Variants in UBE2O observed in about 807,000 individuals in gnomAD.
The protein encoded by UBE2O is (E3-independent) E2 ubiquitin-conjugating enzyme.
In UBE2O, 15 loss-of-function variants were observed where a neutral mutation model predicts 125.8. That is an observed-to-expected ratio of 0.12 (90% CI 0.08 to 0.18). UBE2O has a LOEUF of 0.18. Among genes scored for constraint, UBE2O ranks in the 10% least tolerant of loss-of-function variants. The pLI is 1.00. For synonymous variants in UBE2O, 708 were observed against 703.2 expected (o/e 1.01, Z -0.11); for missense variants, 1,280 against 1,723.6 (o/e 0.74, Z 4.56).
intron 1 of UBE2O, among the ~76,000 whole-genome samples, chr17:76,411,824 T>G (rs2072521920): frequency 6.6e-6 from 1 of 152,170 alleles, no homozygotes; most frequent in African/African-American, 2.4e-5. Context: ...TAGCTGGGAC[T>G]ACAGGCACAT....
chr17:76,428,393 G>A (rs1191478592), intron 1 of UBE2O, among the ~76,000 whole-genome samples: 3 of 152,114 alleles, frequency 2.0e-5, no homozygotes, highest in Non-Finnish European at 4.4e-5. Context: ...GATGTCAGAC[G>A]TTTTTAATCT....
chr17:76,400,596 G>T lies in UBE2O; in HGVS notation c.895-46C>A. 7.2e-7 allele frequency: 1 copy of T among 1,397,764 alleles called. No homozygotes were observed. Among genetic ancestry groups the T allele is most frequent in the Non-Finnish European group, 9.9e-7 (1 of 1,008,302 alleles). 86.6% of individuals were successfully genotyped at this position (1,397,764 alleles called of 1,614,324 possible). ...ACGCCAGTCAGGGCAGGCTCTGACA[G>T]CACTCTCTTTAGCCAGCTGCCCAAA... On this transcript the variant is annotated intron_variant, in intron 6 of 17. Coordinates refer to ENST00000319380, the MANE Select transcript of UBE2O (RefSeq NM_022066.4). This position sits in a 1 kb window ranked among gnomAD's most constrained non-coding sequence, Gnocchi z 4.3.
intron 1 of UBE2O, among the ~76,000 whole-genome samples, chr17:76,444,534 T>C (rs541472507): frequency 8.7e-4 from 132 of 152,268 alleles, no homozygotes; most frequent in African/African-American, 3.1e-3. Context: ...ATAAGGCTGA[T>C]GGATCAAAAT....
At chr17:76,406,586 CTAG>C (rs2072422201) in intron 1 of UBE2O, among the ~76,000 whole-genome samples, 1 of 148,086 alleles carries the variant, frequency 6.8e-6, no homozygotes, top group Admixed American at 6.8e-5. Flanking sequence ...ACAAACTCTG[CTAG>C]TAGAAGAACG....
intron 1 of UBE2O, among the ~76,000 whole-genome samples, chr17:76,415,795 C>CTCTGTGTGTGTGTGTGTGTGTG (rs1555607402): frequency 7.0e-5 from 10 of 143,282 alleles, no homozygotes; most frequent in South Asian, 6.9e-4. Flanking sequence ...CAGAGCAAGA[C>CTCTGTGTGTGTGTGTGTGTGTG]TGTGTGTGTG....
chr17:76,442,322 C>T (rs963913722), intron 1 of UBE2O, among the ~76,000 whole-genome samples: 1 of 152,176 alleles, frequency 6.6e-6, no homozygotes, highest in African/African-American at 2.4e-5. Flanking sequence ...CTCAAAAGAA[C>T]CCAACTTGGG....
At chr17:76,403,590 T>G (rs1427434293) in intron 3 of UBE2O, among the ~76,000 whole-genome samples, 1 of 152,166 alleles carries the variant, frequency 6.6e-6, no homozygotes, top group Non-Finnish European at 1.5e-5. Context: ...TGAACTCATA[T>G]ATTTTAATAT....
chr17:76,435,750 G>A (rs1253040452), intron 1 of UBE2O, among the ~76,000 whole-genome samples: 2 of 152,086 alleles, frequency 1.3e-5, no homozygotes, highest in Non-Finnish European at 2.9e-5. Context: ...CTCACCTAAC[G>A]CCTCTCAGTC....
At chr17:76,440,459 T>C (rs1029743488) in intron 1 of UBE2O, among the ~76,000 whole-genome samples, 3 of 152,136 alleles carry the variant, frequency 2.0e-5, no homozygotes, top group South Asian at 2.1e-4. Context: ...TACTGAGTAG[T>C]TGGGACTACA....
Position 76,452,600 on chromosome 17 carries a change from G to A in UBE2O, c.417+125C>T, listed in dbSNP as rs942814786. The A allele has an allele frequency of 2.1e-5, 19 of 899,000 alleles. No individual in the cohort carries two copies. Among genetic ancestry groups the A allele is most frequent in the Non-Finnish European group, 2.8e-5 (19 of 669,418 alleles). The allele number at this position is 899,000 out of a possible 1,614,324, so 55.7% of individuals were successfully genotyped here. ...ATGGAGTGTACCCTCCACTGGGGCT[G>A]TCCTCCCGCGTCGGCCACTGCAGTG... is the stretch of plus-strand genomic sequence containing the variant. On this transcript the variant is annotated intron_variant, in intron 1 of 17. Transcript: ENST00000319380. This position sits in a 1 kb window ranked among gnomAD's most constrained non-coding sequence, Gnocchi z 4.4.
intron 1 of UBE2O, among the ~76,000 whole-genome samples, chr17:76,451,202 T>TA (rs1188304179): frequency 6.6e-6 from 1 of 152,156 alleles, no homozygotes; most frequent in African/African-American, 2.4e-5. Context: ...AAAACATTCT[T>TA]AAAAACTCAC....
intron 1 of UBE2O, among the ~76,000 whole-genome samples, chr17:76,440,377 G>A (rs554539899): frequency 8.5e-5 from 13 of 152,214 alleles, no homozygotes; most frequent in Non-Finnish European, 1.3e-4. Flanking sequence ...AGGCTTAAGG[G>A]CAATGGGTCG....
intron 13 of UBE2O, 81 bp downstream of exon 13, chr17:76,397,718 T>C (rs1473738436): frequency 4.4e-6 from 6 of 1,359,820 alleles, no homozygotes; most frequent in African/African-American, 2.9e-5. Flanking sequence ...TGAGAGCCCA[T>C]CTTCTGGCTA....
intron 1 of UBE2O, among the ~76,000 whole-genome samples, chr17:76,408,446 T>A (rs142052486): frequency 0.017 from 2,594 of 152,302 alleles, 22 homozygotes; most frequent in Middle Eastern, 0.027. Context: ...TCACAAGTAG[T>A]GGAGCTGGGA....
rs141227791 is a variant in UBE2O at position 76,444,716 on chromosome 17, C to T, written c.417+8009G>A. On this transcript the variant is annotated intron_variant, in intron 1 of 17. Coordinates refer to ENST00000319380, the MANE Select transcript of UBE2O (RefSeq NM_022066.4). ...AGGCAGACATCCATTTCCCCCAGTACAGTGCTGGGATGACCCAAAAGCACA... is the reference window on the plus strand; with the variant it reads ...AGGCAGACATCCATTTCCCCCAGTATAGTGCTGGGATGACCCAAAAGCACA... Among the ~76,000 whole-genome samples, 556 of 152,324 alleles carry T rather than the reference C, an allele frequency of 3.7e-3. 1 individual carries two copies. The highest frequency in any genetic ancestry group is 0.013 in the African/African-American group (521 of 41,570).
chr17:76,430,959 A>G, intron 1 of UBE2O: 1 of 324,280 alleles, frequency 3.1e-6, no homozygotes. Context: ...TCCTTGTGGT[A>G]GTGCTTCACT....
intron 1 of UBE2O, among the ~76,000 whole-genome samples, chr17:76,445,296 T>C (rs1454440146): frequency 6.6e-6 from 1 of 152,066 alleles, no homozygotes; most frequent in Non-Finnish European, 1.5e-5. Flanking sequence ...AGTCAGACTG[T>C]TTCCCAGGTA....
chr17:76,403,164 G>A (rs999363272), intron 3 of UBE2O, among the ~76,000 whole-genome samples: 34 of 150,818 alleles, frequency 2.3e-4, no homozygotes, highest in African/African-American at 7.0e-4. Flanking sequence ...AGGTGCCCAG[G>A]TGTTTACTAA....
intron 3 of UBE2O, among the ~76,000 whole-genome samples, chr17:76,403,127 G>A (rs139476705): frequency 3.3e-5 from 5 of 152,226 alleles, no homozygotes; most frequent in African/African-American, 9.6e-5. Flanking sequence ...CAAGGATATC[G>A]AGAGCCAAGT....
Sources: gnomAD v4.1 joint callset for allele counts (sites outside exome capture counted in the v4.1 genomes callset) on GRCh38, gnomAD v4.1.1 for gene constraint, Gnocchi (gnomAD v3.1) non-coding constraint, MANE v1.5 for transcripts, NCBI Gene and HGNC (gene_info 2026-07-23, HGNC 2026-07-21) for gene names.